PTPRD: variants seen among roughly 807,000 people sequenced by gnomAD.
PTPRD encodes the protein protein tyrosine phosphatase receptor type D, also known as receptor-type tyrosine-protein phosphatase delta.
PTPRD carries 34 observed loss-of-function variants against 214.5 expected under a neutral mutation model. The ratio of observed to expected loss-of-function variants is 0.16; its 90% CI spans 0.12 to 0.21. The LOEUF is 0.21. Ranked by LOEUF, PTPRD falls within the 10% of genes least tolerant of loss-of-function variation. The pLI is 1.00. For synonymous variants in PTPRD, 1,128 were observed against 845.7 expected (o/e 1.33, Z -5.79); for missense variants, 2,545 against 2,398.7 (o/e 1.06, Z -1.27).
At chr9:10,245,483 G>A (rs932852210) in intron 3 of PTPRD, among the ~76,000 whole-genome samples, 1 of 152,028 alleles carries the variant, frequency 6.6e-6, no homozygotes, top group African/African-American at 2.4e-5. Context: ...ACTCACTGAT[G>A]GCCTACTATG....
intron 4 of PTPRD, among the ~76,000 whole-genome samples, chr9:9,949,915 A>G (rs1370421062): frequency 6.6e-6 from 1 of 152,182 alleles, no homozygotes; most frequent in African/African-American, 2.4e-5. Context: ...TATTATCAAA[A>G]AATTTGTTTG....
intron 3 of PTPRD, among the ~76,000 whole-genome samples, chr9:10,326,928 A>C (rs954637125): frequency 8.6e-5 from 13 of 151,428 alleles, no homozygotes; most frequent in African/African-American, 3.1e-4. Flanking sequence ...ATACAATAGA[A>C]CTATGAGAAC....
intron 11 of PTPRD, among the ~76,000 whole-genome samples, chr9:8,755,328 G>A (rs553346173): frequency 7.9e-5 from 12 of 151,608 alleles, no homozygotes; most frequent in Non-Finnish European, 1.3e-4. Context: ...TCAGGAGTTC[G>A]AGGCCAGCCT....
chr9:8,875,738 G>A (rs1336747513), intron 11 of PTPRD, among the ~76,000 whole-genome samples: 1 of 152,134 alleles, frequency 6.6e-6, no homozygotes, highest in Non-Finnish European at 1.5e-5. Context: ...AATATTTCAT[G>A]ATTTTAGAGT....
intron 9 of PTPRD, among the ~76,000 whole-genome samples, chr9:9,371,306 T>C (rs892528081): frequency 5.9e-5 from 9 of 152,144 alleles, no homozygotes; most frequent in Non-Finnish European, 1.0e-4. Context: ...TATTGGTCTA[T>C]TCAGAGATTC....
At chr9:9,298,892 C>T (rs1954157986) in intron 9 of PTPRD, among the ~76,000 whole-genome samples, 1 of 151,552 alleles carries the variant, frequency 6.6e-6, no homozygotes, top group Admixed American at 6.6e-5. Context: ...TCAGCAATAC[C>T]AGCTTAAAAA....
intron 28 of PTPRD, 199 bp from the exon 29 acceptor site, chr9:8,485,523 A>C (rs2096981685): frequency 1.6e-6 from 1 of 620,438 alleles, no homozygotes; most frequent in Non-Finnish European, 2.8e-6. Context: ...CAATTCAGCC[A>C]ACTCTATTGT....
intron 10 of PTPRD, among the ~76,000 whole-genome samples, chr9:9,096,543 T>C (rs897338997): frequency 1.3e-5 from 2 of 152,194 alleles, no homozygotes; most frequent in African/African-American, 2.4e-5. Flanking sequence ...ATATAAGATA[T>C]AGATTATATT....
intron 2 of PTPRD, among the ~76,000 whole-genome samples, chr9:10,432,049 T>A (rs1265860952): frequency 1.3e-5 from 2 of 151,766 alleles, no homozygotes; most frequent in African/African-American, 4.8e-5. Context: ...TGTCCAACAA[T>A]GACAGACTGG....
intron 7 of PTPRD, among the ~76,000 whole-genome samples, chr9:9,680,270 CAAG>C (rs2097038476): frequency 6.6e-6 from 1 of 151,724 alleles, no homozygotes; most frequent in East Asian, 1.9e-4. Flanking sequence ...TTCTGATTTG[CAAG>C]AAGAGGATGT....
At chr9:8,867,682 A>C (rs576935807) in intron 11 of PTPRD, among the ~76,000 whole-genome samples, 2 of 152,350 alleles carry the variant, frequency 1.3e-5, no homozygotes, top group South Asian at 4.1e-4. Context: ...GAAAGCAATA[A>C]TATTTCATCT....
chr9:9,052,684 T>A (rs2099688552), intron 10 of PTPRD, among the ~76,000 whole-genome samples: 1 of 152,208 alleles, frequency 6.6e-6, no homozygotes, highest in East Asian at 1.9e-4. Context: ...AAGGCAATTG[T>A]TGATGTTCCA....
intron 12 of PTPRD, among the ~76,000 whole-genome samples, chr9:8,646,523 A>C (rs2154340194): frequency 6.6e-6 from 1 of 152,208 alleles, no homozygotes; most frequent in African/African-American, 2.4e-5. Flanking sequence ...GCCTCAGTAC[A>C]GGCTGTTCCC....
At chr9:8,758,359 G>C (rs1328527023) in intron 11 of PTPRD, among the ~76,000 whole-genome samples, 1 of 152,118 alleles carries the variant, frequency 6.6e-6, no homozygotes, top group African/African-American at 2.4e-5. Context: ...TAAGGCATCA[G>C]GGCTGAACTC....
intron 8 of PTPRD, among the ~76,000 whole-genome samples, chr9:9,460,871 T>G (rs1307179222): frequency 6.6e-6 from 1 of 152,074 alleles, no homozygotes; most frequent in Non-Finnish European, 1.5e-5. Context: ...ATACCTGCAC[T>G]CTTACGTTTA....
At chr9:9,939,583 T>C (rs1363673430) in intron 4 of PTPRD, among the ~76,000 whole-genome samples, 1 of 152,174 alleles carries the variant, frequency 6.6e-6, no homozygotes, top group Admixed American at 6.5e-5. Flanking sequence ...ACTGCCAGAG[T>C]ACCCATTTAC....
At chr9:8,713,520 G>C (rs2098390765) in intron 12 of PTPRD, 2 of 1,213,838 alleles carry the variant, frequency 1.6e-6, no homozygotes, top group Non-Finnish European at 2.4e-6. Flanking sequence ...TGTTTGAGAA[G>C]TCCCCGCTGC....
intron 39 of PTPRD, among the ~76,000 whole-genome samples, chr9:8,346,611 T>C (rs941454043): frequency 6.6e-6 from 1 of 152,244 alleles, no homozygotes; most frequent in Middle Eastern, 3.4e-3. Context: ...GCCTGCCTGT[T>C]AGTCACTTAG....
chr9:9,486,174 A>AAAAAAAT, intron 8 of PTPRD, among the ~76,000 whole-genome samples: 1 of 147,092 alleles, frequency 6.8e-6, no homozygotes, highest in Non-Finnish European at 1.5e-5. Flanking sequence ...AAAAAAAAAA[A>AAAAAAAT]AAAAAAAAAA....
Sources: allele counts gnomAD v4.1 joint callset (sites outside exome capture counted in the v4.1 genomes callset), GRCh38; gene constraint gnomAD v4.1.1; transcripts MANE v1.5; gene names NCBI Gene and HGNC (gene_info 2026-07-23, HGNC 2026-07-21).